KIF1B: variants seen among roughly 807,000 people sequenced by gnomAD.
The protein encoded by KIF1B is kinesin family member 1B.
A neutral mutation model predicts 241.9 loss-of-function variants in KIF1B; 76 were observed. The observed-to-expected ratio is 0.31, with a 90% CI of 0.26 to 0.38. KIF1B has a LOEUF of 0.38. Among genes scored for constraint, KIF1B ranks in the 10% least tolerant of loss-of-function variants. The pLI, the probability that KIF1B is intolerant of heterozygous loss-of-function variation, is 1.00. For synonymous variants in KIF1B, 750 were observed against 796.7 expected, an observed-to-expected ratio of 0.94 and a Z score of 0.99; for missense variants, 1,622 against 2,271.4, an observed-to-expected ratio of 0.71 and a Z score of 5.81.
At position 10,218,021 on chromosome 1, in the gene KIF1B, A is replaced by G. The variant is rs115372600; in HGVS notation, c.-80+7143A>G. Reference sequence around the variant, plus strand: ...AAATGTGCAAGTCTTTCCTATTACAAATAAAGGGCTGGGGGGAGGAAAATC... The same window carrying G: ...AAATGTGCAAGTCTTTCCTATTACAGATAAAGGGCTGGGGGGAGGAAAATC... On this transcript the variant is annotated intron_variant, in intron 1 of 48. Transcript: ENST00000676179. Among the ~76,000 whole-genome samples the G allele has an allele frequency of 6.8e-3, 1,035 of 152,204 alleles. 11 individuals are homozygous for G. Among genetic ancestry groups the G allele is most frequent in the Middle Eastern group, 0.037 (11 of 294 alleles).
intron 45 of KIF1B, among the ~76,000 whole-genome samples, chr1:10,371,682 C>T (rs759297858): frequency 1.3e-5 from 2 of 152,220 alleles, no homozygotes; most frequent in Admixed American, 6.5e-5. Context: ...AGGTGGCTCC[C>T]AGCACTTTCG....
chr1:10,256,351 C>A, intron 3 of KIF1B, 28 bp downstream of exon 3: 12 of 1,420,248 alleles, frequency 8.4e-6, no homozygotes, highest in East Asian at 2.3e-5. Flanking sequence ...ACAGCACTGC[C>A]AGCTCCTGCC....
intron 1 of KIF1B, among the ~76,000 whole-genome samples, chr1:10,229,870 A>C (rs1226878931): frequency 1.2e-5 from 1 of 80,136 alleles, no homozygotes; most frequent in African/African-American, 3.8e-5. Flanking sequence ...TCCGTCTCAA[A>C]AAAAAAAAAA....
At position 10,303,138 on chromosome 1, in the gene KIF1B, AT is replaced by A. The variant is rs749972865; in HGVS notation, c.2115+5898del. The stretch of plus-strand genomic sequence containing the variant: ...TTTTAATTTTGGTTATTTTGGGGCC[AT>A]TTTTTGATTTTGTTTTTCCAAAGGA... On this transcript the variant is annotated intron_variant, in intron 22 of 48. Transcript: ENST00000676179. This position sits in a 1 kb window ranked among gnomAD's most constrained non-coding sequence, Gnocchi z 5.2. 1.3e-6 allele frequency: 2 copies of A among 1,594,840 alleles called. No individual in the cohort carries two copies. Among genetic ancestry groups the A allele is most frequent in the Admixed American group, 3.5e-5 (2 of 56,638 alleles).
At chr1:10,304,302 T>A (rs1207608066) in intron 22 of KIF1B, 3 of 1,614,218 alleles carry the variant, frequency 1.9e-6, no homozygotes, top group East Asian at 2.2e-5. Context: ...AGCACATTAA[T>A]AATCAGCAAC....
chr1:10,279,770 C>T (rs1569685049), intron 14 of KIF1B, among the ~76,000 whole-genome samples: 1 of 145,652 alleles, frequency 6.9e-6, no homozygotes, highest in African/African-American at 2.5e-5. Flanking sequence ...GATCGTGGCC[C>T]ACTGTAACCT....
At chr1:10,266,580 A>G (rs1035205935) in intron 5 of KIF1B, among the ~76,000 whole-genome samples, 1 of 152,294 alleles carries the variant, frequency 6.6e-6, no homozygotes, top group East Asian at 1.9e-4. Context: ...CAGTGTGGTG[A>G]GCCTTAAAGA....
At position 10,271,651 on chromosome 1, in the gene KIF1B, T is replaced by A. The variant is rs1043592033; in HGVS notation, c.798+72T>A. The A allele has an allele frequency of 3.9e-5, 39 of 1,007,982 alleles. No homozygotes were observed. In the African/African-American group the frequency reaches 5.8e-4, roughly 15 times the overall value. The allele number at this position is 1,007,982 out of a possible 1,614,324, so 62.4% of individuals were successfully genotyped here. ...CCTGTTTTTGTAAATAAAATTTTAT[T>A]GAAACACAGCTACATACATTTGTTT... is the stretch of plus-strand genomic sequence containing the variant. On this transcript the variant is annotated intron_variant, in intron 8 of 48. Transcript: ENST00000676179.
chr1:10,246,644 C>T (rs574192241), intron 2 of KIF1B, among the ~76,000 whole-genome samples: 63 of 152,116 alleles, frequency 4.1e-4, no homozygotes, highest in Non-Finnish European at 6.8e-4. Flanking sequence ...CTCAGGAAGC[C>T]GAGGCAGGAG....
At chr1:10,346,882 G>A (rs1380090520) in intron 35 of KIF1B, among the ~76,000 whole-genome samples, 1 of 152,116 alleles carries the variant, frequency 6.6e-6, no homozygotes, top group Non-Finnish European at 1.5e-5. Flanking sequence ...AGAATATTTT[G>A]CAGCATCCTT....
chr1:10,239,702 G>T (rs1255593611), intron 2 of KIF1B, among the ~76,000 whole-genome samples: 3 of 151,962 alleles, frequency 2.0e-5, no homozygotes, highest in African/African-American at 7.3e-5. Flanking sequence ...CTGCCTCCCG[G>T]CTTCAAGGGA....
Position 10,324,855 on chromosome 1 carries a change from C to T in KIF1B, c.2635C>T (p.Pro879Ser). The change falls in exon 26 of 49, where the codon CCC becomes TCC. Residue 879 changes from proline to serine, a missense_variant. By Grantham distance (74) the Pro-to-Ser change is moderately conservative. Around this residue, in one of 7 missense-constraint regions of KIF1B, gnomAD observed 803 missense variants for 1,112.0 expected, o/e 0.72. Transcript: ENST00000676179. ...ESETTVTGSD[P>S]FYDRFHWFKL... ...CGAAACCACTGTGACTGGCAGCGAT[C>T]CCTTCTATGATCGGTTCCACTGGTT... 6.2e-7 allele frequency: 1 copy of T among 1,614,058 alleles called. No individual in the cohort carries two copies. The highest frequency in any genetic ancestry group is 8.5e-7 in the Non-Finnish European group (1 of 1,180,012).
intron 20 of KIF1B, 23 bp downstream of exon 20, chr1:10,296,688 A>G (rs985398828): frequency 1.2e-6 from 2 of 1,600,370 alleles, no homozygotes; most frequent in Non-Finnish European, 1.7e-6. Context: ...GAGGTTTGCC[A>G]TCTTCAGCAA....
intron 19 of KIF1B, 29 bp downstream of exon 19, chr1:10,295,795 A>C (rs1279755701): frequency 6.5e-7 from 1 of 1,543,088 alleles, no homozygotes; most frequent in Non-Finnish European, 9.0e-7. Flanking sequence ...AGCTTCAGCA[A>C]CAACATTTTC....
chr1:10,301,010 T>G (rs1650514792), intron 22 of KIF1B, among the ~76,000 whole-genome samples: 1 of 152,166 alleles, frequency 6.6e-6, no homozygotes, highest in Non-Finnish European at 1.5e-5. Flanking sequence ...AAAGTTACTT[T>G]TTTGTTCCTT....
chr1:10,248,753 G>A (rs951350249), intron 2 of KIF1B, among the ~76,000 whole-genome samples: 1 of 152,170 alleles, frequency 6.6e-6, no homozygotes. Flanking sequence ...CGATGGTGGT[G>A]GGGAGAAGCC....
At chr1:10,340,205 T>C (rs1037134897) in intron 32 of KIF1B, among the ~76,000 whole-genome samples, 5 of 152,246 alleles carry the variant, frequency 3.3e-5, no homozygotes, top group African/African-American at 9.6e-5. Flanking sequence ...AAGATACTTA[T>C]GTTGCTCGAT....
At chr1:10,342,244 A>G (rs781290719) in intron 33 of KIF1B, 76 bp downstream of exon 33, 23 of 920,492 alleles carry the variant, frequency 2.5e-5, no homozygotes, top group Non-Finnish European at 3.8e-5. Flanking sequence ...AAAGGAAGAA[A>G]TCTTTTGAGG....
At position 10,261,987 on chromosome 1, in the gene KIF1B, G is replaced by A; in HGVS notation, c.429+17G>A. On this transcript the variant is annotated intron_variant, in intron 5 of 48. Transcript: ENST00000676179. ...TCTGTAGAGGTGAGTACAGCCGTGA[G>A]TTGACACCGTAAGCCCTTGTTTTCC... The A allele has an allele frequency of 6.4e-7, 1 of 1,568,196 alleles. No individual in the cohort carries two copies. Among genetic ancestry groups the A allele is most frequent in the Non-Finnish European group, 8.8e-7 (1 of 1,138,254 alleles).
Sources: gnomAD v4.1 joint callset for allele counts (sites outside exome capture counted in the v4.1 genomes callset) on GRCh38, gnomAD v4.1.1 for gene constraint, gnomAD v4.1.1 regional missense constraint, Gnocchi (gnomAD v3.1) non-coding constraint, MANE v1.5 for transcripts, NCBI Gene and HGNC (gene_info 2026-07-23, HGNC 2026-07-21) for gene names.